Variants in SLC38A9 observed in about 807,000 individuals in gnomAD.
SLC38A9 encodes solute carrier family 38 member 9, also known as neutral amino acid transporter 9.
SLC38A9 carries 48 observed loss-of-function variants against 62.3 expected under a neutral mutation model. That is an observed-to-expected ratio of 0.77 (90% confidence interval 0.61 to 0.98). The LOEUF (loss-of-function observed/expected upper bound fraction) is 0.98. SLC38A9 is among the 50% of genes least tolerant of loss of function. SLC38A9 has a pLI of 0.00. For missense variants in SLC38A9, 541 were observed against 679.8 expected (o/e 0.80, Z 2.27); for synonymous variants, 204 against 227.7 (o/e 0.90, Z 0.94).
chr5:55,653,498 G>C (rs1342240661), intron 9 of SLC38A9, among the ~76,000 whole-genome samples: 3 of 152,076 alleles, frequency 2.0e-5, no homozygotes, highest in Admixed American at 2.0e-4. Context: ...GGAATAAAAA[G>C]CAAACATCAT....
chr5:55,646,059 G>T (rs552345713), intron 11 of SLC38A9, among the ~76,000 whole-genome samples, 164 bp from the exon 12 acceptor site: 1 of 152,124 alleles, frequency 6.6e-6, no homozygotes, highest in African/African-American at 2.4e-5. Context: ...ATACTTGGGC[G>T]AAGCACTCAA....
chr5:55,698,517 AT>A (rs1357498982), intron 2 of SLC38A9, among the ~76,000 whole-genome samples: 2 of 152,246 alleles, frequency 1.3e-5, no homozygotes, highest in Non-Finnish European at 2.9e-5. Context: ...ATAATAAATC[AT>A]CCCCTTTCCC....
chr5:55,704,594 C>A (rs1330669961), intron 2 of SLC38A9, among the ~76,000 whole-genome samples: 1 of 152,082 alleles, frequency 6.6e-6, no homozygotes, highest in East Asian at 1.9e-4. Flanking sequence ...GAACAGCAAT[C>A]CATAGAATTG....
chr5:55,666,202 G>A (rs1246219892), intron 7 of SLC38A9, among the ~76,000 whole-genome samples: 1 of 152,128 alleles, frequency 6.6e-6, no homozygotes, highest in Admixed American at 6.5e-5. Context: ...TGTATTTAGA[G>A]ATTCCTATCA....
At chr5:55,669,679 T>C (rs920877109) in intron 5 of SLC38A9, 59 bp from the exon 6 acceptor site, 40 of 1,589,048 alleles carry the variant, frequency 2.5e-5, no homozygotes, top group Non-Finnish European at 3.3e-5. Context: ...AACATTTTAA[T>C]TGAGACAAAA....
intron 12 of SLC38A9, among the ~76,000 whole-genome samples, chr5:55,645,153 T>A (rs1436672935): frequency 1.3e-5 from 2 of 152,188 alleles, no homozygotes; most frequent in Non-Finnish European, 2.9e-5. Flanking sequence ...CTTGGCTTCC[T>A]GGGCTTAAGC....
chr5:55,629,709 A>C (rs1176575957), intron 14 of SLC38A9, among the ~76,000 whole-genome samples: 1 of 151,288 alleles, frequency 6.6e-6, no homozygotes, highest in African/African-American at 2.5e-5. Flanking sequence ...GAATTATATA[A>C]GCTTGTCACT....
At chr5:55,672,896 A>G in intron 3 of SLC38A9, 1 of 444,480 alleles carries the variant, frequency 2.2e-6, no homozygotes, top group Non-Finnish European at 3.8e-6. Context: ...GTCTCATAAC[A>G]CTTTTACTTT....
chr5:55,679,414 C>T (rs538973117), intron 3 of SLC38A9, among the ~76,000 whole-genome samples: 51 of 152,024 alleles, frequency 3.4e-4, no homozygotes, highest in African/African-American at 1.1e-3. Context: ...ATTAATTCTC[C>T]GGCCCATGTA....
chr5:55,665,904 A>G (rs1441403731), intron 7 of SLC38A9, among the ~76,000 whole-genome samples: 2 of 152,228 alleles, frequency 1.3e-5, no homozygotes, highest in Non-Finnish European at 2.9e-5. Flanking sequence ...TTGAGGCTGC[A>G]GTGAACCATG....
intron 2 of SLC38A9, among the ~76,000 whole-genome samples, chr5:55,699,372 T>C (rs369249375): frequency 6.6e-6 from 1 of 152,252 alleles, no homozygotes. Context: ...AAGCTATGAA[T>C]GTAATTTAAG....
intron 8 of SLC38A9, among the ~76,000 whole-genome samples, chr5:55,663,132 T>C (rs538973502): frequency 8.2e-4 from 124 of 151,928 alleles, no homozygotes; most frequent in African/African-American, 2.9e-3. Flanking sequence ...TGAGTTCAGA[T>C]GTTCCACCAG....
chr5:55,668,819 A>G (rs994958826), intron 7 of SLC38A9, among the ~76,000 whole-genome samples: 3 of 152,216 alleles, frequency 2.0e-5, no homozygotes, highest in Non-Finnish European at 2.9e-5. Flanking sequence ...TTACATTTTC[A>G]TATTTTTCTA....
intron 4 of SLC38A9, among the ~76,000 whole-genome samples, chr5:55,670,768 C>T (rs1165766849): frequency 6.6e-6 from 1 of 152,002 alleles, no homozygotes; most frequent in Non-Finnish European, 1.5e-5. Flanking sequence ...TAGAAGGTCT[C>T]AACTAGACCC....
chr5:55,661,447 A>C (rs1351070858), intron 8 of SLC38A9, among the ~76,000 whole-genome samples: 1 of 24,784 alleles, frequency 4.0e-5, no homozygotes, highest in African/African-American at 1.0e-4. Context: ...TCCGTCTCAA[A>C]AAAAAAAAAA....
intron 15 of SLC38A9, 139 bp downstream of exon 15, chr5:55,627,752 G>A (rs1413120253): frequency 1.1e-5 from 6 of 544,354 alleles, no homozygotes; most frequent in Non-Finnish European, 2.0e-5. Flanking sequence ...CTGATACCAA[G>A]GGGCTGCATT....
chr5:55,710,026 G>A lies in SLC38A9; in HGVS notation c.-35+1426C>T, dbSNP rs544846583. ...AGGGGTTGCAGTGAGCTGAGATTGC[G>A]CCACTGCACTCCAGCCTGGCAACAG... On this transcript the variant is annotated intron_variant, in intron 2 of 15. Transcript: ENST00000396865. 8.8e-5 allele frequency among the ~76,000 whole-genome samples: 11 copies of A among 125,330 alleles called. No homozygotes were observed. In the South Asian group the frequency reaches 1.0e-3, roughly 12 times the overall value. 82.2% of individuals were successfully genotyped at this position (125,330 alleles called of 152,430 possible).
intron 3 of SLC38A9, among the ~76,000 whole-genome samples, chr5:55,694,377 T>C (rs1351226126): frequency 6.6e-6 from 1 of 152,134 alleles, no homozygotes; most frequent in East Asian, 1.9e-4. Context: ...TGACATCTTC[T>C]GGTAAGATCA....
chr5:55,671,798 A>G (rs1751378930), intron 4 of SLC38A9, among the ~76,000 whole-genome samples: 1 of 152,012 alleles, frequency 6.6e-6, no homozygotes, highest in Non-Finnish European at 1.5e-5. Flanking sequence ...TGGTGAGCCG[A>G]GATTGCGCCA....
Sources: gnomAD v4.1 joint callset for allele counts (sites outside exome capture counted in the v4.1 genomes callset) on GRCh38, gnomAD v4.1.1 for gene constraint, MANE v1.5 for transcripts, NCBI Gene and HGNC (gene_info 2026-07-23, HGNC 2026-07-21) for gene names.